Variants in SCUBE1 observed in about 807,000 individuals in gnomAD.
SCUBE1 encodes signal peptide, CUB domain and EGF like domain containing 1.
Under a neutral mutation model 124.4 loss-of-function variants are expected in SCUBE1, and 59 were observed. That is an observed-to-expected ratio of 0.47 (90% CI 0.38 to 0.59). The LOEUF (loss-of-function observed/expected upper bound fraction) is 0.59. Among genes scored for constraint, SCUBE1 ranks in the 20% least tolerant of loss-of-function variants. The pLI is 0.00. For synonymous variants in SCUBE1, 545 were observed against 550.9 expected, an observed-to-expected ratio of 0.99 and a Z score of 0.15; for missense variants, 1,150 against 1,371.2, an observed-to-expected ratio of 0.84 and a Z score of 2.55.
intron 1 of SCUBE1, among the ~76,000 whole-genome samples, chr22:43,342,576 G>A (rs961721715): frequency 1.6e-4 from 24 of 148,770 alleles, no homozygotes; most frequent in Admixed American, 1.5e-3. Flanking sequence ...CCTTATCATC[G>A]GTGGGACCAT....
At chr22:43,221,137 C>G in intron 13 of SCUBE1, 36 bp downstream of exon 13, 1 of 1,536,308 alleles carries the variant, frequency 6.5e-7, no homozygotes, top group East Asian at 2.2e-5. Flanking sequence ...CCTACAGCCC[C>G]GTTGGTGTGG....
chr22:43,240,370 G>C (rs1394243439), intron 6 of SCUBE1, among the ~76,000 whole-genome samples: 4 of 152,164 alleles, frequency 2.6e-5, no homozygotes, highest in African/African-American at 9.7e-5. Flanking sequence ...CCCAGGGCTT[G>C]GACGCCTCCC....
chr22:43,324,375 T>A (rs982693094), intron 2 of SCUBE1, among the ~76,000 whole-genome samples: 4 of 152,148 alleles, frequency 2.6e-5, no homozygotes, highest in African/African-American at 9.7e-5. Flanking sequence ...CTTTCCTTAA[T>A]CCATCCCCAA....
At chr22:43,333,713 G>A (rs1203147290) in intron 2 of SCUBE1, among the ~76,000 whole-genome samples, 1 of 152,214 alleles carries the variant, frequency 6.6e-6, no homozygotes, top group African/African-American at 2.4e-5. Flanking sequence ...ATCACCCAGC[G>A]GTCAAGAGGA....
At chr22:43,266,122 T>C (rs1254411424) in intron 4 of SCUBE1, among the ~76,000 whole-genome samples, 1 of 152,036 alleles carries the variant, frequency 6.6e-6, no homozygotes, top group Admixed American at 6.5e-5. Context: ...AAATATTACA[T>C]GTTAGCACAA....
At chr22:43,231,244 C>T (rs1922539520) in intron 8 of SCUBE1, among the ~76,000 whole-genome samples, 1 of 152,222 alleles carries the variant, frequency 6.6e-6, no homozygotes, top group African/African-American at 2.4e-5. Flanking sequence ...CGTAGCCTTC[C>T]CTGACCCCGC....
chr22:43,226,823 C>T (rs908090576), intron 10 of SCUBE1, among the ~76,000 whole-genome samples: 8 of 152,060 alleles, frequency 5.3e-5, no homozygotes, highest in African/African-American at 7.2e-5. Flanking sequence ...CGCAGGGGCC[C>T]GTCCAGAACT....
chr22:43,318,979 C>T (rs1926446490), intron 3 of SCUBE1, among the ~76,000 whole-genome samples: 1 of 152,168 alleles, frequency 6.6e-6, no homozygotes, highest in Admixed American at 6.5e-5. Flanking sequence ...GCCTTGGCCT[C>T]CCAGAGTGCT....
At chr22:43,271,986 G>T (rs1924310764) in intron 4 of SCUBE1, among the ~76,000 whole-genome samples, 2 of 152,274 alleles carry the variant, frequency 1.3e-5, no homozygotes, top group Admixed American at 6.5e-5. Context: ...TTGTGTGAGG[G>T]AGTAGGGAGC....
intron 6 of SCUBE1, among the ~76,000 whole-genome samples, chr22:43,249,499 C>T (rs570211711): frequency 6.6e-6 from 1 of 152,312 alleles, no homozygotes; most frequent in East Asian, 1.9e-4. Context: ...CCACAGTGGC[C>T]TCCACTCTCC....
At chr22:43,232,885 T>G (rs1486589020) in intron 7 of SCUBE1, among the ~76,000 whole-genome samples, 1 of 152,240 alleles carries the variant, frequency 6.6e-6, no homozygotes, top group Non-Finnish European at 1.5e-5. Flanking sequence ...CCTGGCATTC[T>G]GTGCCATTAG....
chr22:43,198,164 G>A lies in SCUBE1; in HGVS notation c.*5833C>T. ...GGGGGGATGGAATGTGTGGATATTA[G>A]AGGGTTGAGCCCAGAGCCTGGCACC... On this transcript the variant is annotated 3_prime_UTR_variant, in exon 22 of 22. Coordinates refer to ENST00000360835, the MANE Select transcript of SCUBE1 (RefSeq NM_173050.5). The A allele has an allele frequency of 4.2e-6, 1 of 236,094 alleles. No individual in the cohort carries two copies. Among genetic ancestry groups the A allele is most frequent in the South Asian group, 5.6e-5 (1 of 17,784 alleles). 14.6% of individuals were successfully genotyped at this position (236,094 alleles called of 1,614,324 possible).
intron 4 of SCUBE1, among the ~76,000 whole-genome samples, chr22:43,269,481 A>G (rs1196520818): frequency 6.6e-6 from 1 of 152,170 alleles, no homozygotes; most frequent in Non-Finnish European, 1.5e-5. Flanking sequence ...CGGATAACAA[A>G]GCTGGAATGT....
intron 3 of SCUBE1, chr22:43,318,112 A>C (rs1287581267): frequency 6.6e-6 from 1 of 152,210 alleles, no homozygotes; most frequent in African/African-American, 2.4e-5. Flanking sequence ...TTTAAGCCCT[A>C]GTTTGTTACT....
At position 43,321,060 on chromosome 22, in the gene SCUBE1, G is replaced by T. The variant is rs138614941; in HGVS notation, c.221-995C>A. On this transcript the variant is annotated intron_variant, in intron 2 of 21. Transcript: ENST00000360835. ...ACCTCCAGAGGCTCCGAGACACGAT[G>T]GGGAGAGAGGAGGGCCGGAAGTGTC... Among the ~76,000 whole-genome samples the T allele has an allele frequency of 2.4e-3, 364 of 152,326 alleles. 3 individuals are homozygous for T. The highest frequency in any genetic ancestry group is 8.3e-3 in the African/African-American group (344 of 41,568).
chr22:43,297,041 CA>C (rs1925589783), intron 3 of SCUBE1, among the ~76,000 whole-genome samples: 1 of 152,340 alleles, frequency 6.6e-6, no homozygotes, highest in East Asian at 1.9e-4. Flanking sequence ...ATTTGGAGCA[CA>C]AAAGAGGGGC....
At chr22:43,308,752 G>A (rs745814381) in intron 3 of SCUBE1, among the ~76,000 whole-genome samples, 1 of 152,182 alleles carries the variant, frequency 6.6e-6, no homozygotes, top group Non-Finnish European at 1.5e-5. Context: ...GGAGTCCCCC[G>A]AGGGCCCCTC....
chr22:43,322,436 T>A (rs1926588946), intron 2 of SCUBE1, among the ~76,000 whole-genome samples: 1 of 152,208 alleles, frequency 6.6e-6, no homozygotes, highest in Non-Finnish European at 1.5e-5. Context: ...CTTTAACTCA[T>A]CAACCTACAG....
intron 2 of SCUBE1, among the ~76,000 whole-genome samples, chr22:43,328,265 G>T (rs548154668): frequency 7.5e-6 from 1 of 134,084 alleles, no homozygotes; most frequent in Non-Finnish European, 1.6e-5. Flanking sequence ...AAATGGAGCC[G>T]TTGGCGCGTG....
Sources: gnomAD v4.1 joint callset for allele counts (sites outside exome capture counted in the v4.1 genomes callset) on GRCh38, gnomAD v4.1.1 for gene constraint, MANE v1.5 for transcripts, NCBI Gene and HGNC (gene_info 2026-07-23, HGNC 2026-07-21) for gene names.